DNAJC3: variants seen among roughly 807,000 people sequenced by gnomAD.
DNAJC3 encodes dnaJ homolog subfamily C member 3.
A neutral mutation model predicts 68.6 loss-of-function variants in DNAJC3; 38 were observed. The ratio of observed to expected loss-of-function variants is 0.55; its 90% CI spans 0.43 to 0.73. DNAJC3 has a LOEUF of 0.73. Among genes scored for constraint, DNAJC3 ranks in the 30% least tolerant of loss-of-function variants. DNAJC3 has a pLI of 0.00. For synonymous variants in DNAJC3, 203 were observed against 204.0 expected, an observed-to-expected ratio of 1.00 and a Z score of 0.04; for missense variants, 526 against 591.9, an observed-to-expected ratio of 0.89 and a Z score of 1.16.
At chr13:95,735,925 G>C (rs1219074235) in intron 4 of DNAJC3, among the ~76,000 whole-genome samples, 1 of 152,128 alleles carries the variant, frequency 6.6e-6, no homozygotes, top group Non-Finnish European at 1.5e-5. Context: ...GTAATGCCTA[G>C]GTTTTCTTCT....
intron 2 of DNAJC3, among the ~76,000 whole-genome samples, chr13:95,720,395 G>T (rs987802487): frequency 1.3e-5 from 2 of 152,054 alleles, no homozygotes; most frequent in Non-Finnish European, 2.9e-5. Flanking sequence ...AAACATTTTG[G>T]AATACATGGA....
chr13:95,723,472 T>TGTAGA, intron 3 of DNAJC3, 106 bp downstream of exon 3: 2 of 1,291,176 alleles, frequency 1.5e-6, no homozygotes, highest in Non-Finnish European at 1.1e-6. Flanking sequence ...CTGGAAGAGA[T>TGTAGA]CAAAGCTACA....
At chr13:95,701,880 C>T in intron 1 of DNAJC3, among the ~76,000 whole-genome samples, 1 of 152,138 alleles carries the variant, frequency 6.6e-6, no homozygotes, top group East Asian at 1.9e-4. Flanking sequence ...TGTATGTATT[C>T]CCAACATTTT....
At chr13:95,753,254 A>G (rs1413525098) in intron 4 of DNAJC3, among the ~76,000 whole-genome samples, 1 of 152,208 alleles carries the variant, frequency 6.6e-6, no homozygotes, top group Non-Finnish European at 1.5e-5. Context: ...GGATTTTAGA[A>G]TGCTTTAATT....
At chr13:95,750,789 G>A (rs1015907461) in intron 4 of DNAJC3, among the ~76,000 whole-genome samples, 5 of 151,960 alleles carry the variant, frequency 3.3e-5, no homozygotes, top group Non-Finnish European at 5.9e-5. Context: ...GGGATTACAG[G>A]CCTGAGCCCC....
chr13:95,727,455 A>G (rs1404342467), intron 4 of DNAJC3, among the ~76,000 whole-genome samples: 5 of 152,174 alleles, frequency 3.3e-5, no homozygotes, highest in African/African-American at 1.2e-4. Flanking sequence ...TCTTAAAGCA[A>G]ACTATTTTTT....
At chr13:95,701,233 T>C (rs917254970) in intron 1 of DNAJC3, among the ~76,000 whole-genome samples, 3 of 152,212 alleles carry the variant, frequency 2.0e-5, no homozygotes, top group Non-Finnish European at 4.4e-5. Context: ...TACCCCAAAA[T>C]ATGACTTCAG....
intron 1 of DNAJC3, among the ~76,000 whole-genome samples, chr13:95,707,066 C>G (rs926044261): frequency 2.0e-5 from 3 of 152,062 alleles, no homozygotes; most frequent in Non-Finnish European, 2.9e-5. Context: ...AGGATAGTTT[C>G]GGGATGAATC....
intron 3 of DNAJC3, 116 bp from the exon 4 acceptor site, chr13:95,725,062 C>A (rs1004904356): frequency 4.9e-6 from 3 of 606,472 alleles, no homozygotes; most frequent in East Asian, 6.8e-5. Flanking sequence ...GTCAGATGTG[C>A]ACTGGAAAAA....
chr13:95,716,794 A>G (rs960348489), intron 2 of DNAJC3, among the ~76,000 whole-genome samples: 1 of 152,062 alleles, frequency 6.6e-6, no homozygotes, highest in Non-Finnish European at 1.5e-5. Flanking sequence ...AGCCATTTGT[A>G]TCTGTGTCTG....
At chr13:95,698,201 AG>A in intron 1 of DNAJC3, among the ~76,000 whole-genome samples, 1 of 151,372 alleles carries the variant, frequency 6.6e-6, no homozygotes, top group East Asian at 1.9e-4. Flanking sequence ...TTTTGTTGGC[AG>A]GTTTTATATT....
chr13:95,726,096 C>T (rs904128426), intron 4 of DNAJC3, among the ~76,000 whole-genome samples: 5 of 151,710 alleles, frequency 3.3e-5, no homozygotes, highest in Non-Finnish European at 7.4e-5. Flanking sequence ...TGGGTTGGTT[C>T]CAAGTCTTTG....
chr13:95,755,346 G>T (rs137929108), intron 4 of DNAJC3, among the ~76,000 whole-genome samples: 1,935 of 152,244 alleles, frequency 0.013, 49 homozygotes, highest in African/African-American at 0.045. Flanking sequence ...AGCTACTTGG[G>T]AGGCTGAGGC....
At chr13:95,741,415 G>A (rs1424289083) in intron 4 of DNAJC3, among the ~76,000 whole-genome samples, 1 of 152,158 alleles carries the variant, frequency 6.6e-6, no homozygotes, top group Non-Finnish European at 1.5e-5. Flanking sequence ...CTGGGGATGG[G>A]GATGTCAGAT....
intron 1 of DNAJC3, among the ~76,000 whole-genome samples, chr13:95,697,791 T>G (rs1398847011): frequency 6.6e-6 from 1 of 151,184 alleles, no homozygotes; most frequent in Non-Finnish European, 1.5e-5. Flanking sequence ...AAGAAGTTTT[T>G]TTTTTTTTTT....
rs576493764 is a variant in DNAJC3 at position 95,699,072 on chromosome 13, G to T, written c.83-10155G>T. 3.5e-4 allele frequency among the ~76,000 whole-genome samples: 53 copies of T among 152,320 alleles called. 2 individuals carry two copies. The South Asian group carries it at 8.9e-3, about 26-fold the overall frequency. Reference sequence around the variant, plus strand: ...AGAGCTGGGAACATCTCAGTGAGGAGGCACAATGCCTCTTATGGGGAAAGA... The same window carrying T: ...AGAGCTGGGAACATCTCAGTGAGGATGCACAATGCCTCTTATGGGGAAAGA... On this transcript the variant is annotated intron_variant, in intron 1 of 11. Transcript: ENST00000602402.
chr13:95,683,732 C>T (rs1194660003), intron 1 of DNAJC3, among the ~76,000 whole-genome samples: 1 of 151,436 alleles, frequency 6.6e-6, no homozygotes, highest in Non-Finnish European at 1.5e-5. Context: ...CAAGATCAGC[C>T]TGGGCAAGAT....
At chr13:95,688,793 T>C (rs1207888570) in intron 1 of DNAJC3, among the ~76,000 whole-genome samples, 1 of 152,140 alleles carries the variant, frequency 6.6e-6, no homozygotes, top group African/African-American at 2.4e-5. Flanking sequence ...TGAGCCACTG[T>C]GCTCAGCCTT....
chr13:95,775,266 A>G (rs1883263633), intron 9 of DNAJC3, among the ~76,000 whole-genome samples: 1 of 152,236 alleles, frequency 6.6e-6, no homozygotes, highest in African/African-American at 2.4e-5. Flanking sequence ...TATTAGTTTA[A>G]TAGTTTCTAA....
Sources: allele counts gnomAD v4.1 joint callset (sites outside exome capture counted in the v4.1 genomes callset), GRCh38; gene constraint gnomAD v4.1.1; transcripts MANE v1.5; gene names NCBI Gene and HGNC (gene_info 2026-07-23, HGNC 2026-07-21).